The following SEPTIN9 variants were observed in gnomAD, a reference collection of about 807,000 sequenced individuals.
SEPTIN9 encodes septin 9.
A neutral mutation model predicts 56.6 loss-of-function variants in SEPTIN9; 13 were observed. That is an observed-to-expected ratio of 0.23 (90% CI 0.15 to 0.37). SEPTIN9 has a LOEUF of 0.37. SEPTIN9 is among the 10% of genes least tolerant of loss of function. The pLI, the probability that SEPTIN9 is intolerant of heterozygous loss-of-function variation, is 1.00. For missense variants in SEPTIN9, 650 were observed against 823.1 expected, an observed-to-expected ratio of 0.79 and a Z score of 2.57; for synonymous variants, 332 against 334.1, an observed-to-expected ratio of 0.99 and a Z score of 0.07.
chr17:77,410,820 G>A (rs548038119), intron 3 of SEPTIN9, among the ~76,000 whole-genome samples: 5 of 152,332 alleles, frequency 3.3e-5, no homozygotes, highest in East Asian at 1.9e-4. Context: ...GTTCCAGGCC[G>A]GTGGTGTCGC....
At chr17:77,431,163 G>GC (rs1231909345) in intron 3 of SEPTIN9, among the ~76,000 whole-genome samples, 1 of 152,126 alleles carries the variant, frequency 6.6e-6, no homozygotes, top group Non-Finnish European at 1.5e-5. Context: ...CAACAGAGGT[G>GC]CTAGGGGTAG....
chr17:77,325,815 C>CGAGGGGTG, intron 2 of SEPTIN9, among the ~76,000 whole-genome samples: 1 of 152,118 alleles, frequency 6.6e-6, no homozygotes, highest in East Asian at 1.9e-4. Flanking sequence ...GATCTGGACA[C>CGAGGGGTG]AAGTCTCCAT....
rs570707395 is a variant in SEPTIN9 at position 77,345,832 on chromosome 17, C to T, written c.76+38635C>T. On this transcript the variant is annotated intron_variant, in intron 2 of 11. Transcript: ENST00000427177. Reference sequence around the variant, plus strand: ...CCAAGGAGAAAGACTCATAAGGCCTCGGTCCAGTATCACGGAGCGGGGCCT... The same window carrying T: ...CCAAGGAGAAAGACTCATAAGGCCTTGGTCCAGTATCACGGAGCGGGGCCT... 5.3e-5 allele frequency among the ~76,000 whole-genome samples: 8 copies of T among 152,264 alleles called. No homozygotes were observed. In the South Asian group the frequency reaches 6.2e-4, roughly 12 times the overall value.
At chr17:77,302,320 C>T (rs2032085272) in intron 1 of SEPTIN9, among the ~76,000 whole-genome samples, 2 of 151,936 alleles carry the variant, frequency 1.3e-5, no homozygotes, top group Middle Eastern at 3.2e-3. Context: ...AATAAAAGAC[C>T]TTCATGCTCT....
At chr17:77,474,657 C>T (rs1213362589) in intron 3 of SEPTIN9, among the ~76,000 whole-genome samples, 1 of 152,182 alleles carries the variant, frequency 6.6e-6, no homozygotes, top group Non-Finnish European at 1.5e-5. Flanking sequence ...TCCATGGTTC[C>T]CGAAGACCTG....
intron 1 of SEPTIN9, among the ~76,000 whole-genome samples, chr17:77,284,487 G>A (rs1266952005): frequency 6.6e-6 from 1 of 152,206 alleles, no homozygotes; most frequent in Non-Finnish European, 1.5e-5. Context: ...GTGGTCCAGT[G>A]GTTACACTTG....
chr17:77,475,599 G>C lies in SEPTIN9; in HGVS notation c.722-6545G>C, dbSNP rs2039176506. 1 of 1,613,638 alleles carries C rather than the reference G, an allele frequency of 6.2e-7. No homozygotes were observed. The highest frequency in any genetic ancestry group is 1.3e-5 in the African/African-American group (1 of 75,038). Reference sequence around the variant, plus strand: ...GCTGGCCCCAGGGTCTGGATTCAGGGGAGCCTGCAGAGGGAGGGCAGCTGG... The same window carrying C: ...GCTGGCCCCAGGGTCTGGATTCAGGCGAGCCTGCAGAGGGAGGGCAGCTGG... On this transcript the variant is annotated intron_variant, in intron 3 of 11. Transcript: ENST00000427177. The surrounding 1 kb of genome is among the most constrained non-coding windows in gnomAD (Gnocchi z 4.6).
rs1375490832 is a variant in SEPTIN9 at position 77,319,151 on chromosome 17, C to T, written c.76+11954C>T. 1.7e-4 allele frequency among the ~76,000 whole-genome samples: 26 copies of T among 152,206 alleles called. 1 individual carries two copies. Among genetic ancestry groups the T allele is most frequent in the Admixed American group, 1.7e-3 (26 of 15,284 alleles). On this transcript the variant is annotated intron_variant, in intron 2 of 11. Coordinates refer to ENST00000427177, the MANE Select transcript of SEPTIN9 (RefSeq NM_001113491.2). This position sits in a 1 kb window ranked among gnomAD's most constrained non-coding sequence, Gnocchi z 5.3. ...AACAGGCTTGGGCCAACAGAACCAG[C>T]CTCCGTGTCTCGGGTTTGAATGAAC...
chr17:77,322,381 G>T (rs2032969696), intron 2 of SEPTIN9, among the ~76,000 whole-genome samples: 1 of 152,250 alleles, frequency 6.6e-6, no homozygotes, highest in Admixed American at 6.5e-5. Flanking sequence ...CTCGGGCTGT[G>T]CCTTGATGAA....
In SEPTIN9 at chr17:77,475,661, A is replaced by G. The variant is rs756912650; in HGVS notation, c.722-6483A>G. 2 of 1,613,718 alleles carry G rather than the reference A, an allele frequency of 1.2e-6. No homozygotes were observed. On this transcript the variant is annotated intron_variant, in intron 3 of 11. Transcript: ENST00000427177. This position sits in a 1 kb window ranked among gnomAD's most constrained non-coding sequence, Gnocchi z 4.6. Reference sequence around the variant, plus strand: ...GTGTGCATTGTTACGAGGCAAAGTAAGGAGACTGCTGGGCCCACGCTGGGC... The same window carrying G: ...GTGTGCATTGTTACGAGGCAAAGTAGGGAGACTGCTGGGCCCACGCTGGGC...
At chr17:77,497,416 G>A (rs1568126081) in intron 11 of SEPTIN9, 50 bp downstream of exon 11, 5 of 1,567,712 alleles carry the variant, frequency 3.2e-6, no homozygotes. Context: ...CCCTAAGAGG[G>A]CCCTACAGCG....
Position 77,435,326 on chromosome 17 carries a change from G to A in SEPTIN9, c.721+32623G>A, listed in dbSNP as rs376825355. On this transcript the variant is annotated intron_variant, in intron 3 of 11. Transcript: ENST00000427177. This position sits in a 1 kb window ranked among gnomAD's most constrained non-coding sequence, Gnocchi z 4.5. ...TGCAGTGACTTGGCCAGCTTCGCAC[G>A]GCAGGTTAGTGGCAGAGCTGAGCAG... is the stretch of plus-strand genomic sequence containing the variant. Among the ~76,000 whole-genome samples, 102 of 152,252 alleles carry A rather than the reference G, an allele frequency of 6.7e-4. 1 individual carries two copies. Among genetic ancestry groups the A allele is most frequent in the East Asian group, 3.5e-3 (18 of 5,170 alleles).
intron 2 of SEPTIN9, among the ~76,000 whole-genome samples, chr17:77,381,147 A>T (rs978474465): frequency 6.6e-6 from 1 of 152,090 alleles, no homozygotes; most frequent in African/African-American, 2.4e-5. Flanking sequence ...CCCCTTGGGT[A>T]TGAGGGAGGG....
At chr17:77,478,659 C>G (rs990541222) in intron 3 of SEPTIN9, among the ~76,000 whole-genome samples, 1 of 152,028 alleles carries the variant, frequency 6.6e-6, no homozygotes, top group Admixed American at 6.6e-5. Context: ...CAAAATTAGC[C>G]GGGCATGGTG....
intron 2 of SEPTIN9, among the ~76,000 whole-genome samples, chr17:77,349,553 C>T (rs560689794): frequency 3.5e-4 from 54 of 152,318 alleles, no homozygotes; most frequent in African/African-American, 1.3e-3. Context: ...ATTCATCTAG[C>T]TATTCCCCTG....
chr17:77,401,686 A>G (rs1598315133), intron 2 of SEPTIN9, among the ~76,000 whole-genome samples: 1 of 151,592 alleles, frequency 6.6e-6, no homozygotes, highest in South Asian at 2.1e-4. Flanking sequence ...GTGCCGCTGC[A>G]CTCCAGCCAG....
chr17:77,303,258 G>A (rs993038855), intron 1 of SEPTIN9, among the ~76,000 whole-genome samples: 13 of 151,522 alleles, frequency 8.6e-5, no homozygotes, highest in Middle Eastern at 6.8e-3. Flanking sequence ...ATGCCACCAC[G>A]CCCGGCTAAT....
At chr17:77,490,976 C>A in intron 8 of SEPTIN9, 117 bp downstream of exon 8, 1 of 828,748 alleles carries the variant, frequency 1.2e-6, no homozygotes, top group Non-Finnish European at 2.0e-6. Context: ...AACCGCTGGT[C>A]ACTCTCCCCA....
chr17:77,485,302 ATGT>A (rs2039727064), intron 4 of SEPTIN9, among the ~76,000 whole-genome samples: 2 of 113,416 alleles, frequency 1.8e-5, no homozygotes, highest in African/African-American at 3.9e-5. Context: ...GGGGGTGATG[ATGT>A]TAGTAGTGGT....
Sources: allele counts gnomAD v4.1 joint callset (sites outside exome capture counted in the v4.1 genomes callset), GRCh38; gene constraint gnomAD v4.1.1; non-coding constraint Gnocchi (gnomAD v3.1); transcripts MANE v1.5; gene names NCBI Gene and HGNC (gene_info 2026-07-23, HGNC 2026-07-21).